The following SAMSN1 variants were observed in gnomAD, a reference collection of about 807,000 sequenced individuals.
SAMSN1 encodes the protein SAM domain-containing protein SAMSN-1.
A neutral mutation model predicts 42.0 loss-of-function variants in SAMSN1; 31 were observed. The ratio of observed to expected loss-of-function variants is 0.74; its 90% CI spans 0.55 to 1.00. The LOEUF (loss-of-function observed/expected upper bound fraction) is 1.00. Among genes scored for constraint, SAMSN1 ranks in the 50% least tolerant of loss-of-function variants. The pLI is 0.00. For synonymous variants in SAMSN1, 178 were observed against 151.9 expected, an observed-to-expected ratio of 1.17 and a Z score of -1.26; for missense variants, 464 against 439.4, an observed-to-expected ratio of 1.06 and a Z score of -0.50.
intron 1 of SAMSN1, among the ~76,000 whole-genome samples, chr21:14,533,391 G>A (rs941689993): frequency 2.0e-5 from 3 of 152,150 alleles, no homozygotes; most frequent in Non-Finnish European, 4.4e-5. Flanking sequence ...TACTCCAGGA[G>A]TTTAAGCTGT....
At chr21:14,540,966 T>C (rs369750025) in intron 1 of SAMSN1, among the ~76,000 whole-genome samples, 1 of 152,020 alleles carries the variant, frequency 6.6e-6, no homozygotes, top group African/African-American at 2.4e-5. Flanking sequence ...AAATGATGAG[T>C]TCATGTCCTT....
chr21:14,645,172 C>G (rs1013177962), intron 1 of SAMSN1, among the ~76,000 whole-genome samples: 20 of 152,208 alleles, frequency 1.3e-4, no homozygotes, highest in African/African-American at 4.8e-4. Flanking sequence ...TGAACACAGG[C>G]AGTAGCCAGG....
chr21:14,641,134 G>C (rs945539157), intron 2 of SAMSN1, among the ~76,000 whole-genome samples: 1 of 152,024 alleles, frequency 6.6e-6, no homozygotes, highest in African/African-American at 2.4e-5. Context: ...CATGTGAATG[G>C]TTTATATCTC....
chr21:14,656,979 A>C (rs1176136642), intron 1 of SAMSN1, among the ~76,000 whole-genome samples: 1 of 151,690 alleles, frequency 6.6e-6, no homozygotes, highest in Non-Finnish European at 1.5e-5. Context: ...TCTTAAATGC[A>C]GTGTCCCATA....
chr21:14,623,568 A>C (rs1313384223), intron 2 of SAMSN1, among the ~76,000 whole-genome samples: 1 of 152,236 alleles, frequency 6.6e-6, no homozygotes, highest in South Asian at 2.1e-4. Context: ...TTCAACAAGA[A>C]GAACTAACTA....
chr21:14,535,266 T>C lies in SAMSN1; in HGVS notation c.57+10939A>G, dbSNP rs1383698277. Among the ~76,000 whole-genome samples the C allele has an allele frequency of 2.6e-5, 4 of 152,210 alleles. 1 individual carries two copies. The highest frequency in any genetic ancestry group is 2.6e-4 in the Admixed American group (4 of 15,276). On this transcript the variant is annotated intron_variant, in intron 1 of 7. Coordinates refer to ENST00000400566, the MANE Select transcript of SAMSN1 (RefSeq NM_022136.5). ...GGTCAAGGGGGTCAAATAGATGTTT[T>C]ACTTTTTAGTTTTCAAATGATTCCT...
chr21:14,587,507 A>T (rs1267129686), upstream of SAMSN1, among the ~76,000 whole-genome samples: 1 of 152,010 alleles, frequency 6.6e-6, no homozygotes, highest in Non-Finnish European at 1.5e-5. Context: ...CTATATGCTG[A>T]CACCTTCCTT....
chr21:14,619,057 CA>C (rs1333267903), intron 2 of SAMSN1, among the ~76,000 whole-genome samples: 1 of 152,070 alleles, frequency 6.6e-6, no homozygotes, highest in Non-Finnish European at 1.5e-5. Context: ...ACTCTAACAG[CA>C]AAGCACTTCC....
chr21:14,553,925 C>A (rs1980677887), intron 2 of SAMSN1, among the ~76,000 whole-genome samples: 1 of 151,972 alleles, frequency 6.6e-6, no homozygotes, highest in Non-Finnish European at 1.5e-5. Flanking sequence ...GGCCTATGTT[C>A]CCTTGATAAG....
At chr21:14,493,302 T>C (rs1303521786) in intron 7 of SAMSN1, among the ~76,000 whole-genome samples, 1 of 152,236 alleles carries the variant, frequency 6.6e-6, no homozygotes, top group Non-Finnish European at 1.5e-5. Flanking sequence ...AGTTTGCTTA[T>C]TCTGTTACTT....
chr21:14,534,580 G>T (rs919236586), intron 1 of SAMSN1, among the ~76,000 whole-genome samples: 1 of 150,892 alleles, frequency 6.6e-6, no homozygotes. Context: ...CAGTGGCGCT[G>T]TCTCGGCTCA....
chr21:14,598,327 C>A (rs757438221), intron 6 of SAMSN1: 25 of 152,184 alleles, frequency 1.6e-4, no homozygotes, highest in Non-Finnish European at 2.9e-4. Flanking sequence ...GTCTGTATTA[C>A]TGCATATTTT....
chr21:14,629,298 C>T (rs769186648), intron 2 of SAMSN1, among the ~76,000 whole-genome samples: 1 of 152,046 alleles, frequency 6.6e-6, no homozygotes, highest in Non-Finnish European at 1.5e-5. Context: ...TTTGTAGCTG[C>T]CATCATCATC....
rs56728511 is a variant in SAMSN1 at position 14,581,344 on chromosome 21, C to CTTT, written c.261+789_261+791dup. 3.8e-3 allele frequency among the ~76,000 whole-genome samples: 124 copies of CTTT among 32,592 alleles called. 27 individuals carry two copies. The highest frequency in any genetic ancestry group is 8.5e-3 in the African/African-American group (83 of 9,770). 21.4% of individuals were successfully genotyped at this position (32,592 alleles called of 152,430 possible). ...TGTAAAATGAGGGGAAATAATATTTCTTTTTTTTTTTTTTTTTTTTTTTTT... is the reference window on the plus strand; with the variant it reads ...TGTAAAATGAGGGGAAATAATATTTCTTTTTTTTTTTTTTTTTTTTTTTTTTTT... On this transcript the variant is annotated intron_variant, in intron 2 of 8. Coordinates refer to the SAMSN1 transcript ENST00000285670.
chr21:14,574,656 C>G (rs1303958169), intron 2 of SAMSN1, among the ~76,000 whole-genome samples: 1 of 152,150 alleles, frequency 6.6e-6, no homozygotes, highest in Non-Finnish European at 1.5e-5. Context: ...AATATTACCT[C>G]TATTTATCCT....
At chr21:14,624,640 C>T (rs1320515173) in intron 2 of SAMSN1, among the ~76,000 whole-genome samples, 1 of 152,060 alleles carries the variant, frequency 6.6e-6, no homozygotes, top group East Asian at 1.9e-4. Flanking sequence ...AATTAATAGC[C>T]TACCAACCAA....
chr21:14,503,236 A>G (rs1010510282), intron 5 of SAMSN1, among the ~76,000 whole-genome samples: 1 of 151,282 alleles, frequency 6.6e-6, no homozygotes, highest in South Asian at 2.1e-4. Flanking sequence ...AGGATCCCTT[A>G]AAAAAAAAGA....
At position 14,566,926 on chromosome 21, in the gene SAMSN1, T is replaced by C. The variant is rs139806829; in HGVS notation, c.261+15210A>G. On this transcript the variant is annotated intron_variant, in intron 2 of 8. Transcript: ENST00000285670. ...ACCACCTAGAGACCTATTGTCATGG[T>C]TCAAACATCTTAGGATATAGAGATC... Among the ~76,000 whole-genome samples the C allele has an allele frequency of 6.8e-4, 104 of 151,908 alleles. 1 individual carries two copies. Among genetic ancestry groups the C allele is most frequent in the African/African-American group, 2.4e-3 (100 of 41,470 alleles).
Position 14,498,470 on chromosome 21 carries a change from T to C in SAMSN1, c.891A>G (p.Ser297=), listed in dbSNP as rs765003227. ...CTTCTTCAAGGAAGTTTTCAGCAGC[T>C]GATAGTAACCTTCTTCTGTCATCTG... The part of the protein sequence containing the change: ...ENPDDRRRLL[S]AAENFLEEEI... Residue 297 remains serine, a synonymous_variant, in exon 7 of 8, where the codon TCA becomes TCG. Coordinates refer to ENST00000400566, the MANE Select transcript of SAMSN1 (RefSeq NM_022136.5). 1.9e-6 allele frequency: 3 copies of C among 1,610,414 alleles called. No homozygotes were observed. The highest frequency in any genetic ancestry group is 2.5e-6 in the Non-Finnish European group (3 of 1,179,064).
Sources: gnomAD v4.1 joint callset for allele counts (sites outside exome capture counted in the v4.1 genomes callset) on GRCh38, gnomAD v4.1.1 for gene constraint, MANE v1.5 for transcripts, NCBI Gene and HGNC (gene_info 2026-07-23, HGNC 2026-07-21) for gene names.